The following AKAP13 variants were observed in gnomAD, a reference collection of about 807,000 sequenced individuals.
The protein encoded by AKAP13 is A-kinase anchor protein 13.
Under a neutral mutation model 264.5 loss-of-function variants are expected in AKAP13, and 80 were observed. The observed-to-expected ratio is 0.30, with a 90% CI of 0.25 to 0.36. The LOEUF (loss-of-function observed/expected upper bound fraction) is 0.36. Ranked by LOEUF, AKAP13 falls within the 10% of genes least tolerant of loss-of-function variation. The pLI is 1.00. For missense variants in AKAP13, 3,712 were observed against 3,435.2 expected (o/e 1.08, Z -2.01); for synonymous variants, 1,380 against 1,250.2 (o/e 1.10, Z -2.19).
rs2089372504 is a variant in AKAP13, at chr15:85,746,469, C to T, written c.*1792C>T. 1 of 151,786 alleles carries T rather than the reference C, an allele frequency of 6.6e-6. No individual in the cohort carries two copies. Among genetic ancestry groups the T allele is most frequent in the Non-Finnish European group, 1.5e-5 (1 of 67,986 alleles). 9.4% of individuals were successfully genotyped at this position (151,786 alleles called of 1,614,324 possible). A position where few individuals can be genotyped will look rare whatever the true frequency, so the allele number is the denominator to read the frequency against. On this transcript the variant is annotated 3_prime_UTR_variant, in exon 37 of 37. Coordinates refer to ENST00000394518, the MANE Select transcript of AKAP13 (RefSeq NM_007200.5). ...AGGGAGGGGGTCCATGTCCTTCCCT[C>T]CCCCACCCCGCCTCATTCTTTAATC... is the stretch of plus-strand genomic sequence containing the variant.
chr15:85,599,819 T>TGAGCCTAGGCATTCAAGAC (rs2079975759), intron 8 of AKAP13, among the ~76,000 whole-genome samples: 1 of 152,184 alleles, frequency 6.6e-6, no homozygotes, highest in Non-Finnish European at 1.5e-5. Flanking sequence ...GAGGATTGCT[T>TGAGCCTAGGCATTCAAGAC]GAGCCTAGGC....
chr15:85,637,801 A>G (rs72762388), intron 8 of AKAP13, among the ~76,000 whole-genome samples: 19,373 of 147,366 alleles, frequency 0.13, 1,583 homozygotes, highest in East Asian at 0.22. Context: ...ACACATTTTT[A>G]TATGTGGTGT....
chr15:85,470,257 C>A (rs1270967393), intron 1 of AKAP13, among the ~76,000 whole-genome samples: 1 of 152,176 alleles, frequency 6.6e-6, no homozygotes, highest in Non-Finnish European at 1.5e-5. Context: ...CCATTGCACT[C>A]CAGCCTGGGT....
intron 5 of AKAP13, among the ~76,000 whole-genome samples, chr15:85,570,312 G>GT (rs1480399388): frequency 6.6e-6 from 1 of 151,830 alleles, no homozygotes; most frequent in African/African-American, 2.4e-5. Context: ...TTAGCCAAGT[G>GT]TGGTGGCACA....
At chr15:85,644,284 T>C (rs539852522) in intron 9 of AKAP13, among the ~76,000 whole-genome samples, 2 of 150,250 alleles carry the variant, frequency 1.3e-5, no homozygotes, top group South Asian at 4.2e-4. Flanking sequence ...TAGGCTGGAG[T>C]GCAATGGCGT....
intron 5 of AKAP13, among the ~76,000 whole-genome samples, chr15:85,552,472 A>G (rs1399292287): frequency 1.3e-5 from 2 of 152,246 alleles, no homozygotes; most frequent in Non-Finnish European, 2.9e-5. Flanking sequence ...GTCCATAGAC[A>G]TAAATAAGGC....
chr15:85,442,519 T>TTATG (rs1555430014), intron 1 of AKAP13, among the ~76,000 whole-genome samples: 3 of 109,336 alleles, frequency 2.7e-5, no homozygotes, highest in African/African-American at 1.0e-4. Context: ...ATAATATATA[T>TTATG]TATATTATAT....
At chr15:85,624,843 G>T (rs984534832) in intron 8 of AKAP13, among the ~76,000 whole-genome samples, 3 of 152,248 alleles carry the variant, frequency 2.0e-5, no homozygotes, top group African/African-American at 7.2e-5. Flanking sequence ...CATTGTGGGT[G>T]TGGTTTAGGG....
chr15:85,677,813 A>T (rs2084331207), intron 14 of AKAP13, among the ~76,000 whole-genome samples: 1 of 151,440 alleles, frequency 6.6e-6, no homozygotes, highest in Non-Finnish European at 1.5e-5. Context: ...CGCCCAGCTA[A>T]TTTTTTTTGT....
chr15:85,674,808 A>G (rs1380988352), intron 14 of AKAP13, among the ~76,000 whole-genome samples: 1 of 151,498 alleles, frequency 6.6e-6, no homozygotes, highest in East Asian at 1.9e-4. Context: ...TATGATGGGA[A>G]TTTACTGAAA....
At position 85,533,760 on chromosome 15, in the gene AKAP13, G is replaced by T; in HGVS notation, c.358G>T (p.Asp120Tyr). 1 of 1,614,056 alleles carries T rather than the reference G, an allele frequency of 6.2e-7. No individual in the cohort carries two copies. Among genetic ancestry groups the T allele is most frequent in the South Asian group, 1.1e-5 (1 of 91,058 alleles). ...GGCTTTGAACTTTACCCGTTTTCTT[G>T]ACCAGTCAGGACCCCCATCTGGGGA... ...QQALNFTRFL[D>Y]QSGPPSGDVN... Residue 120 changes from aspartate (D) to tyrosine (Y), a missense_variant, in exon 4 of 37, where the codon GAC (aspartate) becomes TAC (tyrosine). Asp to Tyr is a radical substitution (Grantham distance 160, BLOSUM62 -3). This residue lies in a region of AKAP13 where 2,759 missense variants were observed against 2,411.7 expected (regional missense o/e 1.14). Coordinates refer to ENST00000394518, the MANE Select transcript of AKAP13 (RefSeq NM_007200.5).
At position 85,727,907 on chromosome 15, in the gene AKAP13, G is replaced by A. The variant is rs2087712180; in HGVS notation, c.7087+444G>A. On this transcript the variant is annotated intron_variant, in intron 29 of 36. Transcript: ENST00000394518. The surrounding 1 kb of genome is among the most constrained non-coding windows in gnomAD (Gnocchi z 5.3). ...CCGCATGTTTACAAATGAGTTGTGA[G>A]GTGAAGTTTTGGGAGCAGGGTATGT... 6.6e-6 allele frequency among the ~76,000 whole-genome samples: 1 copy of A among 152,214 alleles called. No homozygotes were observed. Among genetic ancestry groups the A allele is most frequent in the Non-Finnish European group, 1.5e-5 (1 of 68,032 alleles).
intron 1 of AKAP13, among the ~76,000 whole-genome samples, chr15:85,395,205 T>G (rs1401849945): frequency 1.3e-5 from 2 of 152,196 alleles, no homozygotes; most frequent in Non-Finnish European, 2.9e-5. Context: ...TAGCTTGGCA[T>G]GTATATTTAA....
chr15:85,589,189 T>C (rs189941878), intron 8 of AKAP13, among the ~76,000 whole-genome samples: 1 of 152,302 alleles, frequency 6.6e-6, no homozygotes, highest in Admixed American at 6.5e-5. Flanking sequence ...CATACTATAT[T>C]CATATAGGTT....
chr15:85,389,364 G>GA (rs1038764568), intron 1 of AKAP13, among the ~76,000 whole-genome samples: 34 of 152,228 alleles, frequency 2.2e-4, no homozygotes, highest in African/African-American at 7.7e-4. Flanking sequence ...CCTCCAGCCA[G>GA]AAAGCTGGGG....
At chr15:85,619,658 G>T in intron 8 of AKAP13, 1 of 988,012 alleles carries the variant, frequency 1.0e-6, no homozygotes, top group Non-Finnish European at 1.2e-6. Context: ...GTATATACTG[G>T]ATTTTTATTG....
intron 30 of AKAP13, 54 bp downstream of exon 30, chr15:85,730,761 C>T (rs1396059653): frequency 4.7e-6 from 7 of 1,479,624 alleles, no homozygotes; most frequent in East Asian, 2.3e-5. Flanking sequence ...GTGGTTTACA[C>T]ACTAATATTA....
intron 1 of AKAP13, among the ~76,000 whole-genome samples, chr15:85,448,700 T>C (rs1299233005): frequency 6.6e-6 from 1 of 152,046 alleles, no homozygotes; most frequent in Non-Finnish European, 1.5e-5. Flanking sequence ...ATTTCTGGGC[T>C]CTCTATTTTG....
At chr15:85,612,893 T>A (rs1434477454) in intron 8 of AKAP13, among the ~76,000 whole-genome samples, 2 of 152,126 alleles carry the variant, frequency 1.3e-5, no homozygotes, top group African/African-American at 2.4e-5. Context: ...CCTTAATGCC[T>A]TAAAAGGGAT....
Sources: gnomAD v4.1 joint callset for allele counts (sites outside exome capture counted in the v4.1 genomes callset) on GRCh38, gnomAD v4.1.1 for gene constraint, gnomAD v4.1.1 regional missense constraint, Gnocchi (gnomAD v3.1) non-coding constraint, MANE v1.5 for transcripts, NCBI Gene and HGNC (gene_info 2026-07-23, HGNC 2026-07-21) for gene names.